KATNBL1: variants seen among roughly 807,000 people sequenced by gnomAD.
KATNBL1 encodes katanin regulatory subunit B1 like 1.
Under a neutral mutation model 44.7 loss-of-function variants are expected in KATNBL1, and 28 were observed. The ratio of observed to expected loss-of-function variants is 0.63; its 90% CI spans 0.46 to 0.86. The LOEUF (loss-of-function observed/expected upper bound fraction) is 0.86. KATNBL1 is among the 40% of genes least tolerant of loss of function. The pLI, the probability that KATNBL1 is intolerant of heterozygous loss-of-function variation, is 0.00. For synonymous variants in KATNBL1, 78 were observed against 114.9 expected (o/e 0.68, Z 2.06); for missense variants, 272 against 350.7 (o/e 0.78, Z 1.79).
intron 1 of KATNBL1, among the ~76,000 whole-genome samples, chr15:34,194,715 G>A (rs11635964): frequency 0.54 from 82,045 of 152,038 alleles, 23,702 homozygotes; most frequent in East Asian, 0.71. Flanking sequence ...ACAGTGGACC[G>A]ATATCCAGAA....
At chr15:34,186,075 G>A (rs1041827709) in intron 1 of KATNBL1, among the ~76,000 whole-genome samples, 6 of 152,134 alleles carry the variant, frequency 3.9e-5, no homozygotes, top group Non-Finnish European at 7.4e-5. Context: ...GGACAATTGG[G>A]CCATTTCAGT....
intron 1 of KATNBL1, among the ~76,000 whole-genome samples, chr15:34,171,262 A>C (rs558562846): frequency 2.6e-5 from 4 of 152,344 alleles, no homozygotes; most frequent in African/African-American, 4.8e-5. Flanking sequence ...AACCCAATCA[A>C]AACGTGGGCA....
At chr15:34,153,111 T>C (rs778709980) in intron 3 of KATNBL1, 42 bp from the exon 4 acceptor site, 17 of 1,456,038 alleles carry the variant, frequency 1.2e-5, no homozygotes, top group African/African-American at 1.4e-5. Flanking sequence ...AAGAACCATA[T>C]GAAATCCTTT....
chr15:34,180,034 C>A (rs1365250323), intron 1 of KATNBL1, among the ~76,000 whole-genome samples: 1 of 152,142 alleles, frequency 6.6e-6, no homozygotes, highest in Admixed American at 6.5e-5. Context: ...TTTCTCAGTT[C>A]TTGCTTTCTC....
At chr15:34,202,464 C>CTTT (rs1555531129) in intron 1 of KATNBL1, among the ~76,000 whole-genome samples, 1 of 51,010 alleles carries the variant, frequency 2.0e-5, no homozygotes, top group South Asian at 5.0e-4. Flanking sequence ...GTTCTTAAAC[C>CTTT]TTTATGTTCC....
intron 1 of KATNBL1, among the ~76,000 whole-genome samples, chr15:34,168,889 A>G (rs1394742391): frequency 6.6e-6 from 1 of 152,224 alleles, no homozygotes; most frequent in Non-Finnish European, 1.5e-5. Flanking sequence ...TTTGAAACCA[A>G]TGAGAACAAA....
chr15:34,198,798 A>G (rs1253065643), intron 1 of KATNBL1, among the ~76,000 whole-genome samples: 2 of 152,230 alleles, frequency 1.3e-5, no homozygotes, highest in Non-Finnish European at 2.9e-5. Flanking sequence ...AAGGGAAGCA[A>G]AGACTTGTAG....
chr15:34,171,619 A>G (rs191439670), intron 1 of KATNBL1, among the ~76,000 whole-genome samples: 39 of 152,338 alleles, frequency 2.6e-4, no homozygotes, highest in Admixed American at 1.2e-3. Context: ...TCATGCTACT[A>G]TAAAGACACA....
chr15:34,163,353 A>T (rs73376196), intron 2 of KATNBL1, among the ~76,000 whole-genome samples: 31,370 of 152,020 alleles, frequency 0.21, 4,049 homozygotes, highest in African/African-American at 0.37. Flanking sequence ...CCGATTAAAA[A>T]CCTTTTAGAG....
rs933361262 is a variant in KATNBL1 at position 34,152,975 on chromosome 15, T to C, written c.253A>G (p.Arg85Gly). 51 of 1,614,030 alleles carry C rather than the reference T, an allele frequency of 3.2e-5. No homozygotes were observed. Among genetic ancestry groups the C allele is most frequent in the Non-Finnish European group, 4.3e-5 (51 of 1,179,996 alleles). Residue 85 changes from arginine to glycine, a missense_variant, in exon 4 of 10, where the codon AGA becomes GGA. Physicochemically the swap from Arg to Gly is moderately radical, Grantham distance 125. Around this residue, in one of 3 missense-constraint regions of KATNBL1, gnomAD observed 122 missense variants for 125.0 expected, o/e 0.98. Transcript: ENST00000256544. ...CCACTTCCAGGGGACTGTTTTTTTC[T>C]GTAACAAGGATTTGGAAAGGGATGA... is the stretch of plus-strand genomic sequence containing the variant. The part of the protein sequence containing the change: ...VHHPFPNPCY[R>G]KKQSPGSGGC...
chr15:34,188,493 T>C (rs1889786750), intron 1 of KATNBL1, among the ~76,000 whole-genome samples: 1 of 151,802 alleles, frequency 6.6e-6, no homozygotes. Flanking sequence ...GAGGTGGAGG[T>C]TGCAGTGAGT....
intron 1 of KATNBL1, among the ~76,000 whole-genome samples, chr15:34,177,633 T>TTAAAAAAAA (rs753939677): frequency 2.2e-5 from 2 of 91,906 alleles, no homozygotes; most frequent in Admixed American, 1.5e-4. Flanking sequence ...AACTCTGTCT[T>TTAAAAAAAA]AAAAAAAAAA....
chr15:34,165,669 C>T (rs764365839), intron 1 of KATNBL1, among the ~76,000 whole-genome samples: 6 of 152,042 alleles, frequency 3.9e-5, no homozygotes, highest in African/African-American at 7.3e-5. Flanking sequence ...GGTGGTGGGA[C>T]CTGTAATCCC....
intron 1 of KATNBL1, among the ~76,000 whole-genome samples, chr15:34,186,882 G>GCAGC (rs1388286234): frequency 6.6e-6 from 1 of 152,244 alleles, no homozygotes; most frequent in African/African-American, 2.4e-5. Flanking sequence ...TGAAGGAAGG[G>GCAGC]GGCTGGGCTG....
At chr15:34,145,582 A>C in intron 8 of KATNBL1, 91 bp from the exon 9 acceptor site, 1 of 1,135,562 alleles carries the variant, frequency 8.8e-7, no homozygotes, top group Non-Finnish European at 1.1e-6. Context: ...ACTGTTCTAA[A>C]ATTTTTCAGG....
Position 34,147,432 on chromosome 15 carries a change from T to C in KATNBL1, c.558-2A>G, listed in dbSNP as rs765021681. 2 of 1,610,984 alleles carry C rather than the reference T, an allele frequency of 1.2e-6. No individual in the cohort carries two copies. On this transcript the variant is annotated splice_acceptor_variant, in intron 5 of 9. Transcript: ENST00000256544. LOFTEE classifies it high-confidence loss of function. ...ACCACAACGCCAAGATCTTCTATCC[T>C]GAGAGTATAAAAAGAATAGCATTGC...
At chr15:34,180,091 G>T (rs182731033) in intron 1 of KATNBL1, among the ~76,000 whole-genome samples, 1 of 152,108 alleles carries the variant, frequency 6.6e-6, no homozygotes, top group East Asian at 1.9e-4. Context: ...AAAAATCTTT[G>T]ATTTCTCCCT....
chr15:34,163,210 A>C (rs1402418722), intron 2 of KATNBL1, among the ~76,000 whole-genome samples: 1 of 151,558 alleles, frequency 6.6e-6, no homozygotes, highest in Admixed American at 6.6e-5. Context: ...TGCCCAGATA[A>C]TTTTTGTATT....
chr15:34,209,036 T>C (rs982146149), intron 1 of KATNBL1: 1 of 152,212 alleles, frequency 6.6e-6, no homozygotes, highest in Non-Finnish European at 1.5e-5. Context: ...GCCCAGCGCA[T>C]AGAAAGCACA....
Sources: gnomAD v4.1 joint callset for allele counts (sites outside exome capture counted in the v4.1 genomes callset) on GRCh38, gnomAD v4.1.1 for gene constraint, gnomAD v4.1.1 regional missense constraint, MANE v1.5 for transcripts, NCBI Gene and HGNC (gene_info 2026-07-23, HGNC 2026-07-21) for gene names.